Variants in PRKG1 observed in about 807,000 individuals in gnomAD.
PRKG1 encodes cGMP-dependent protein kinase 1.
A neutral mutation model predicts 88.1 loss-of-function variants in PRKG1; 35 were observed. The observed-to-expected ratio is 0.40, with a 90% CI of 0.30 to 0.53. The LOEUF (loss-of-function observed/expected upper bound fraction) is 0.53. PRKG1 is among the 20% of genes least tolerant of loss of function. PRKG1 has a pLI of 0.59. For synonymous variants in PRKG1, 303 were observed against 292.5 expected (o/e 1.04, Z -0.37); for missense variants, 540 against 839.8 (o/e 0.64, Z 4.41).
intron 1 of PRKG1, among the ~76,000 whole-genome samples, chr10:51,106,170 C>CAAA: frequency 6.6e-6 from 1 of 152,264 alleles, no homozygotes; most frequent in Non-Finnish European, 1.5e-5. Flanking sequence ...CTCTCTATGC[C>CAAA]TCAGTTTCCT....
intron 8 of PRKG1, among the ~76,000 whole-genome samples, chr10:52,135,086 T>C (rs1258151750): frequency 6.6e-6 from 1 of 151,910 alleles, no homozygotes. Context: ...ATGTGGCATA[T>C]ACAAAAATAA....
intron 2 of PRKG1, among the ~76,000 whole-genome samples, chr10:51,381,865 T>A (rs1206305935): frequency 6.6e-6 from 1 of 152,162 alleles, no homozygotes; most frequent in Non-Finnish European, 1.5e-5. Context: ...CATACAACAT[T>A]GTTGATTGCT....
At chr10:51,687,174 A>G (rs529816630) in intron 3 of PRKG1, among the ~76,000 whole-genome samples, 2 of 152,332 alleles carry the variant, frequency 1.3e-5, no homozygotes, top group East Asian at 3.9e-4. Flanking sequence ...TAATTTGCTT[A>G]ATTTACAAAT....
intron 1 of PRKG1, among the ~76,000 whole-genome samples, chr10:51,020,057 A>T (rs1189922104): frequency 1.3e-5 from 2 of 152,238 alleles, no homozygotes; most frequent in African/African-American, 4.8e-5. Flanking sequence ...CTGGGAATGT[A>T]AAATGGAACA....
chr10:51,384,466 A>G (rs1451755512), intron 2 of PRKG1, among the ~76,000 whole-genome samples: 1 of 152,164 alleles, frequency 6.6e-6, no homozygotes, highest in African/African-American at 2.4e-5. Context: ...TTCATCACTC[A>G]GCAGTTGTGT....
chr10:51,598,717 G>A (rs990987741), intron 3 of PRKG1, among the ~76,000 whole-genome samples: 3 of 152,288 alleles, frequency 2.0e-5, no homozygotes, highest in East Asian at 1.9e-4. Flanking sequence ...TCAGTAGAAC[G>A]TAAATGATAT....
intron 4 of PRKG1, among the ~76,000 whole-genome samples, chr10:51,824,029 A>G (rs1052325240): frequency 6.6e-6 from 1 of 152,048 alleles, no homozygotes; most frequent in Non-Finnish European, 1.5e-5. Context: ...GTGCACCACC[A>G]TGCCCAGCCA....
chr10:51,415,788 T>C (rs533009764), intron 2 of PRKG1, among the ~76,000 whole-genome samples: 3 of 152,160 alleles, frequency 2.0e-5, no homozygotes, highest in Non-Finnish European at 2.9e-5. Flanking sequence ...TTAGTCCCAA[T>C]TGCATTTTCG....
At chr10:51,241,436 C>T (rs184141244) in intron 2 of PRKG1, among the ~76,000 whole-genome samples, 7 of 152,264 alleles carry the variant, frequency 4.6e-5, no homozygotes, top group Admixed American at 4.6e-4. Context: ...GATAATCACA[C>T]AATTTAAGAC....
rs200996589 is a variant in PRKG1, at chr10:52,214,907, C to T, written c.1077-36663C>T. Among the ~76,000 whole-genome samples the T allele has an allele frequency of 5.9e-5, 9 of 151,810 alleles. No individual in the cohort carries two copies. In the East Asian group the frequency reaches 9.7e-4, roughly 16 times the overall value. The stretch of plus-strand genomic sequence containing the variant: ...AGTTTCTGCTATGAAAGCAGTAGGC[C>T]GGTTTTATAATTTGTGGGTCATTTT... On this transcript the variant is annotated intron_variant, in intron 9 of 17. Transcript: ENST00000373980.
intron 2 of PRKG1, among the ~76,000 whole-genome samples, chr10:51,310,243 A>AC (rs1274595069): frequency 3.3e-5 from 5 of 152,014 alleles, no homozygotes; most frequent in African/African-American, 1.2e-4. Flanking sequence ...TTAAATTTAA[A>AC]CCCCCCAAAA....
At chr10:52,058,824 C>A (rs978375158) in intron 6 of PRKG1, among the ~76,000 whole-genome samples, 4 of 151,752 alleles carry the variant, frequency 2.6e-5, no homozygotes, top group African/African-American at 7.3e-5. Flanking sequence ...AATTTAGAAA[C>A]TTTTATTCTG....
At chr10:51,153,091 G>T in intron 1 of PRKG1, 73 bp from the exon 2 acceptor site, 1 of 1,384,518 alleles carries the variant, frequency 7.2e-7, no homozygotes, top group East Asian at 2.5e-5. Context: ...AGCACTCTAT[G>T]GCGCTGCTAA....
intron 5 of PRKG1, chr10:51,907,858 A>G: frequency 3.5e-6 from 1 of 284,964 alleles, no homozygotes. Flanking sequence ...TATTTCTCTT[A>G]TTTTAACTAG....
At chr10:51,672,092 G>A (rs1180980065) in intron 3 of PRKG1, among the ~76,000 whole-genome samples, 1 of 151,818 alleles carries the variant, frequency 6.6e-6, no homozygotes, top group East Asian at 1.9e-4. Flanking sequence ...ATTTTTACAT[G>A]TGGATTTCTT....
intron 3 of PRKG1, among the ~76,000 whole-genome samples, chr10:51,649,352 C>A (rs995773873): frequency 6.6e-6 from 1 of 152,122 alleles, no homozygotes. Flanking sequence ...CTTCTTTGTA[C>A]AACCAGTCTT....
chr10:51,853,251 T>C (rs1170487244), intron 4 of PRKG1, among the ~76,000 whole-genome samples: 1 of 152,160 alleles, frequency 6.6e-6, no homozygotes, highest in Admixed American at 6.6e-5. Flanking sequence ...ATCTATTATG[T>C]GCCAGAAACT....
chr10:52,287,109 A>G (rs943658506), intron 14 of PRKG1, among the ~76,000 whole-genome samples: 4 of 152,040 alleles, frequency 2.6e-5, no homozygotes, highest in African/African-American at 9.6e-5. Flanking sequence ...TAAAAGCAAA[A>G]TAAATATAAA....
intron 3 of PRKG1, among the ~76,000 whole-genome samples, chr10:51,503,545 G>A (rs966450375): frequency 4.6e-5 from 7 of 152,170 alleles, no homozygotes; most frequent in Admixed American, 3.9e-4. Context: ...CTCTATAACA[G>A]AACATTGGCC....
Sources: gnomAD v4.1 joint callset for allele counts (sites outside exome capture counted in the v4.1 genomes callset) on GRCh38, gnomAD v4.1.1 for gene constraint, MANE v1.5 for transcripts, NCBI Gene and HGNC (gene_info 2026-07-23, HGNC 2026-07-21) for gene names.